The following FIGN variants were observed in gnomAD, a reference collection of about 807,000 sequenced individuals.
FIGN encodes fidgetin, microtubule severing factor, also known as fidgetin.
A neutral mutation model predicts 51.3 loss-of-function variants in FIGN; 11 were observed. The observed-to-expected ratio is 0.21, with a 90% CI of 0.13 to 0.35. The LOEUF (loss-of-function observed/expected upper bound fraction) is 0.35. Among genes scored for constraint, FIGN ranks in the 10% least tolerant of loss-of-function variants. FIGN has a pLI of 1.00. For missense variants in FIGN, 857 were observed against 943.6 expected, an observed-to-expected ratio of 0.91 and a Z score of 1.20; for synonymous variants, 407 against 363.2, an observed-to-expected ratio of 1.12 and a Z score of -1.37.
intron 2 of FIGN, among the ~76,000 whole-genome samples, chr2:163,692,172 A>T (rs537665024): frequency 6.6e-6 from 1 of 152,328 alleles, no homozygotes; most frequent in East Asian, 1.9e-4. Context: ...AACTTGTTTA[A>T]GTAAAAGGAT....
At chr2:163,702,468 T>C (rs1684423315) in intron 2 of FIGN, among the ~76,000 whole-genome samples, 1 of 152,096 alleles carries the variant, frequency 6.6e-6, no homozygotes, top group Admixed American at 6.6e-5. Context: ...ATTTATAACA[T>C]TGTGAATCTG....
intron 2 of FIGN, among the ~76,000 whole-genome samples, chr2:163,636,785 C>CAT (rs1467089736): frequency 6.6e-6 from 1 of 151,870 alleles, no homozygotes; most frequent in Non-Finnish European, 1.5e-5. Context: ...CCAAGTAAAG[C>CAT]ATATGTCTGT....
At chr2:163,689,099 G>A (rs1684198357) in intron 2 of FIGN, among the ~76,000 whole-genome samples, 1 of 151,722 alleles carries the variant, frequency 6.6e-6, no homozygotes, top group Admixed American at 6.6e-5. Context: ...GATCGAGGCT[G>A]CAGTGAGCCA....
chr2:163,689,588 A>G (rs1050492632), intron 2 of FIGN, among the ~76,000 whole-genome samples: 1 of 152,212 alleles, frequency 6.6e-6, no homozygotes, highest in African/African-American at 2.4e-5. Context: ...GAGAATTTCA[A>G]TCGAGTAGTG....
chr2:163,651,703 C>G (rs1187586598), intron 2 of FIGN, among the ~76,000 whole-genome samples: 1 of 152,156 alleles, frequency 6.6e-6, no homozygotes, highest in African/African-American at 2.4e-5. Context: ...CACTGTCTGA[C>G]TCAAAGAGCT....
chr2:163,669,015 AATAT>A (rs138074416), intron 2 of FIGN, among the ~76,000 whole-genome samples: 7 of 138,534 alleles, frequency 5.1e-5, no homozygotes, highest in Admixed American at 7.1e-5. Context: ...GAAAAAAAGG[AATAT>A]ATATATATAT....
intron 2 of FIGN, among the ~76,000 whole-genome samples, chr2:163,626,102 T>C (rs915318103): frequency 6.6e-6 from 1 of 152,126 alleles, no homozygotes; most frequent in East Asian, 1.9e-4. Context: ...TCTGAATCAA[T>C]AGGGCCATGA....
intron 2 of FIGN, among the ~76,000 whole-genome samples, chr2:163,669,245 C>T (rs1317420344): frequency 1.3e-5 from 2 of 152,048 alleles, no homozygotes; most frequent in African/African-American, 4.8e-5. Flanking sequence ...GGGTCTCACT[C>T]AGTCGCCCAG....
intron 2 of FIGN, among the ~76,000 whole-genome samples, chr2:163,661,230 T>C (rs1475642980): frequency 6.6e-6 from 1 of 150,716 alleles, no homozygotes; most frequent in East Asian, 2.0e-4. Context: ...AAATGATTAT[T>C]TATTTATTAT....
At chr2:163,675,706 C>CTTTTTTTTTTTTTTTTTTT (rs900840520) in intron 2 of FIGN, among the ~76,000 whole-genome samples, 21 of 100,490 alleles carry the variant, frequency 2.1e-4, no homozygotes, top group South Asian at 3.4e-4. Flanking sequence ...TTCTTTCTTT[C>CTTTTTTTTTTTTTTTTTTT]TTTTTTTTTT....
chr2:163,647,425 C>A (rs1683399401), intron 2 of FIGN, among the ~76,000 whole-genome samples: 1 of 152,034 alleles, frequency 6.6e-6, no homozygotes, highest in Non-Finnish European at 1.5e-5. Context: ...ATGACAAAAG[C>A]AGGGGAAAAT....
At chr2:163,698,029 G>A (rs1339613922) in intron 2 of FIGN, among the ~76,000 whole-genome samples, 1 of 152,150 alleles carries the variant, frequency 6.6e-6, no homozygotes, top group Non-Finnish European at 1.5e-5. Context: ...CCACCGCCAT[G>A]GAGTATGCCT....
rs187873333 is a variant in FIGN, at chr2:163,678,315, C to T, written c.25+56588G>A. ...GGCTCACTGCAACCTCCACCTCCCA[C>T]GTTCAACTGATTCTCCCGCCTCAGC... On this transcript the variant is annotated intron_variant, in intron 2 of 2. Coordinates refer to ENST00000333129, the MANE Select transcript of FIGN (RefSeq NM_018086.4). 4.6e-5 allele frequency among the ~76,000 whole-genome samples: 7 copies of T among 152,086 alleles called. No individual in the cohort carries two copies. The East Asian group carries it at 5.8e-4, about 13-fold the overall frequency.
At chr2:163,636,942 G>T (rs1257773479) in intron 2 of FIGN, among the ~76,000 whole-genome samples, 2 of 152,098 alleles carry the variant, frequency 1.3e-5, no homozygotes, top group African/African-American at 4.8e-5. Flanking sequence ...AGCCAGGAGT[G>T]GTGGCAGGCG....
intron 2 of FIGN, among the ~76,000 whole-genome samples, chr2:163,675,823 T>C (rs972281839): frequency 2.8e-5 from 4 of 143,168 alleles, no homozygotes; most frequent in African/African-American, 1.0e-4. Context: ...TCATATATAA[T>C]ATATATACAT....
chr2:163,711,571 G>C (rs1218626596), intron 2 of FIGN, among the ~76,000 whole-genome samples: 1 of 150,212 alleles, frequency 6.7e-6, no homozygotes, highest in Non-Finnish European at 1.5e-5. Context: ...TGTGCGCCAT[G>C]TAACCTGCAG....
intron 2 of FIGN, among the ~76,000 whole-genome samples, chr2:163,722,665 T>C (rs1004475630): frequency 6.6e-6 from 1 of 152,080 alleles, no homozygotes; most frequent in Admixed American, 6.5e-5. Context: ...TATAAAAGAG[T>C]TTAAAGGCTC....
chr2:163,672,529 C>G (rs982838598), intron 2 of FIGN, among the ~76,000 whole-genome samples: 8 of 152,160 alleles, frequency 5.3e-5, no homozygotes, highest in African/African-American at 1.9e-4. Context: ...GTGCTCTGCA[C>G]ACAATAGGTG....
Position 163,611,458 on chromosome 2 carries a change from G to A in FIGN, c.374C>T (p.Pro125Leu), listed in dbSNP as rs375294645. The change falls in exon 3 of 3, where the codon CCG becomes CTG. Residue 125 changes from proline to leucine, a missense_variant. This residue lies in a region of FIGN where 799 missense variants were observed against 849.5 expected (regional missense o/e 0.94). Transcript: ENST00000333129. Reference protein sequence around the residue: ...SEAVYPMNCVPDVITASKAGV... With the variant: ...SEAVYPMNCVLDVITASKAGV... ...AGCTTTGCTGGCAGTGATAACATCC[G>A]GAACACAGTTCATGGGATAAACAGC... 25 of 1,614,032 alleles carry A rather than the reference G, an allele frequency of 1.5e-5. No individual in the cohort carries two copies. The highest frequency in any genetic ancestry group is 2.2e-5 in the East Asian group (1 of 44,882).
Sources: gnomAD v4.1 joint callset for allele counts (sites outside exome capture counted in the v4.1 genomes callset) on GRCh38, gnomAD v4.1.1 for gene constraint, gnomAD v4.1.1 regional missense constraint, MANE v1.5 for transcripts, NCBI Gene and HGNC (gene_info 2026-07-23, HGNC 2026-07-21) for gene names.